The following OPCML variants were observed in gnomAD, a reference collection of about 807,000 sequenced individuals.
OPCML encodes opioid-binding protein/cell adhesion molecule.
In OPCML, 13 loss-of-function variants were observed where a neutral mutation model predicts 37.8. The observed-to-expected ratio is 0.34, with a 90% confidence interval of 0.22 to 0.55. The LOEUF (loss-of-function observed/expected upper bound fraction) is 0.55. Among genes scored for constraint, OPCML ranks in the 20% least tolerant of loss-of-function variants. OPCML has a pLI of 0.91. For missense variants in OPCML, 341 were observed against 435.6 expected, an observed-to-expected ratio of 0.78 and a Z score of 1.93; for synonymous variants, 176 against 168.8, an observed-to-expected ratio of 1.04 and a Z score of -0.33.
In OPCML at chr11:132,873,996, C is replaced by T. The variant is rs1472766316; in HGVS notation, c.146+68930G>A. Among the ~76,000 whole-genome samples the T allele has an allele frequency of 3.9e-5, 6 of 152,136 alleles. No individual in the cohort carries two copies. The South Asian group carries it at 6.2e-4, about 16-fold the overall frequency. ...AAAATCAGTAGCTGAAGAAATAAAT[C>T]GTTACCCTGTCACACTGGATCAGGT... On this transcript the variant is annotated intron_variant, in intron 2 of 7. Transcript: ENST00000524381.
chr11:133,488,071 C>G (rs908876210), intron 1 of OPCML, among the ~76,000 whole-genome samples: 1 of 152,078 alleles, frequency 6.6e-6, no homozygotes, highest in Admixed American at 6.6e-5. Flanking sequence ...AGCATCCATT[C>G]ATGATAAACA....
At chr11:133,123,681 C>T (rs956929315) in intron 1 of OPCML, among the ~76,000 whole-genome samples, 5 of 151,998 alleles carry the variant, frequency 3.3e-5, no homozygotes, top group African/African-American at 1.2e-4. Context: ...ATGCACCCAA[C>T]CCCTGAATAA....
intron 1 of OPCML, chr11:133,117,962 C>G (rs984796049): frequency 7.1e-6 from 7 of 981,832 alleles, no homozygotes; most frequent in South Asian, 4.7e-5. Context: ...TTCCCCCATC[C>G]TTGGGGAACT....
At chr11:132,894,991 T>C (rs1052011509) in intron 2 of OPCML, among the ~76,000 whole-genome samples, 2 of 152,202 alleles carry the variant, frequency 1.3e-5, no homozygotes, top group African/African-American at 4.8e-5. Flanking sequence ...ATAAATAGCT[T>C]GTTGGTTCTG....
intron 1 of OPCML, among the ~76,000 whole-genome samples, chr11:133,039,397 C>T (rs542526616): frequency 7.9e-5 from 12 of 152,286 alleles, no homozygotes; most frequent in East Asian, 5.8e-4. Context: ...CTTGCCTCCT[C>T]ATGCCTTCCA....
intron 1 of OPCML, among the ~76,000 whole-genome samples, chr11:133,314,099 G>A (rs1447820086): frequency 1.5e-5 from 2 of 136,792 alleles, no homozygotes; most frequent in Non-Finnish European, 3.2e-5. Flanking sequence ...GCCGGGCGTA[G>A]TGGCGGGCGC....
intron 1 of OPCML, among the ~76,000 whole-genome samples, chr11:133,392,097 T>C (rs1223837952): frequency 1.3e-5 from 2 of 152,222 alleles, no homozygotes; most frequent in Non-Finnish European, 2.9e-5. Flanking sequence ...AGATATAAAA[T>C]TGTTAAAGTT....
At chr11:133,373,430 T>A (rs1397358004) in intron 1 of OPCML, among the ~76,000 whole-genome samples, 7 of 120,914 alleles carry the variant, frequency 5.8e-5, no homozygotes, top group African/African-American at 2.6e-4. Flanking sequence ...TTAAAATATA[T>A]ATATATATAT....
At chr11:133,349,805 A>T (rs1242815565) in intron 1 of OPCML, among the ~76,000 whole-genome samples, 1 of 152,208 alleles carries the variant, frequency 6.6e-6, no homozygotes, top group Non-Finnish European at 1.5e-5. Flanking sequence ...CAGAAAAAAA[A>T]ATATTTTGAC....
intron 1 of OPCML, among the ~76,000 whole-genome samples, chr11:133,192,181 G>T (rs1938351743): frequency 6.6e-6 from 1 of 152,276 alleles, no homozygotes; most frequent in South Asian, 2.1e-4. Flanking sequence ...AGATGAAGGG[G>T]CAGAATTATT....
chr11:133,243,333 A>C (rs1027738722), intron 1 of OPCML, among the ~76,000 whole-genome samples: 1 of 152,182 alleles, frequency 6.6e-6, no homozygotes, highest in African/African-American at 2.4e-5. Flanking sequence ...CTGGGTTTCC[A>C]GGTGAGTTAA....
chr11:133,200,555 T>C (rs1296719167), intron 1 of OPCML, among the ~76,000 whole-genome samples: 1 of 152,122 alleles, frequency 6.6e-6, no homozygotes, highest in African/African-American at 2.4e-5. Flanking sequence ...CTCTCAAACA[T>C]CTCTGGATGT....
At chr11:133,436,208 C>A (rs1893235) in intron 1 of OPCML, among the ~76,000 whole-genome samples, 54,105 of 151,972 alleles carry the variant, frequency 0.36, 14,127 homozygotes, top group African/African-American at 0.74. Flanking sequence ...TTATATTGTC[C>A]CTTTCAAAAA....
At chr11:133,426,891 T>A (rs1946014396) in intron 1 of OPCML, among the ~76,000 whole-genome samples, 1 of 152,188 alleles carries the variant, frequency 6.6e-6, no homozygotes, top group Non-Finnish European at 1.5e-5. Context: ...ACTTTATAGA[T>A]GCCAAATATT....
chr11:133,164,949 G>A (rs187713959), intron 1 of OPCML, among the ~76,000 whole-genome samples: 40 of 152,318 alleles, frequency 2.6e-4, no homozygotes, highest in African/African-American at 8.9e-4. Context: ...TATTAGAATA[G>A]CTGGAAAAGC....
intron 1 of OPCML, among the ~76,000 whole-genome samples, chr11:133,166,451 A>T (rs1408830316): frequency 6.6e-6 from 1 of 152,238 alleles, no homozygotes; most frequent in Admixed American, 6.5e-5. Context: ...AGTCAGGCCC[A>T]GGATGTGCAA....
At chr11:133,247,178 G>A (rs1007950665) in intron 1 of OPCML, among the ~76,000 whole-genome samples, 1 of 152,166 alleles carries the variant, frequency 6.6e-6, no homozygotes, top group South Asian at 2.1e-4. Flanking sequence ...AATGAGAAAA[G>A]AGAAGCAAAA....
chr11:133,510,218 A>G (rs1399840605), intron 1 of OPCML, among the ~76,000 whole-genome samples: 1 of 152,240 alleles, frequency 6.6e-6, no homozygotes, highest in Non-Finnish European at 1.5e-5. Flanking sequence ...AAGTCTCGCC[A>G]TCACAGGCTG....
intron 1 of OPCML, among the ~76,000 whole-genome samples, chr11:133,266,402 C>T (rs1941661164): frequency 6.6e-6 from 1 of 152,114 alleles, no homozygotes; most frequent in South Asian, 2.1e-4. Context: ...TTTTGAGCTC[C>T]CCTTAGACAT....
Sources: gnomAD v4.1 joint callset for allele counts (sites outside exome capture counted in the v4.1 genomes callset) on GRCh38, gnomAD v4.1.1 for gene constraint, MANE v1.5 for transcripts, NCBI Gene and HGNC (gene_info 2026-07-23, HGNC 2026-07-21) for gene names.